DLG1: variants seen among roughly 807,000 people sequenced by gnomAD.
The protein encoded by DLG1 is disks large homolog 1.
DLG1 carries 42 observed loss-of-function variants against 123.4 expected under a neutral mutation model. The ratio of observed to expected loss-of-function variants is 0.34; its 90% CI spans 0.27 to 0.44. The LOEUF (loss-of-function observed/expected upper bound fraction) is 0.44. Ranked by LOEUF, DLG1 falls within the 20% of genes least tolerant of loss-of-function variation. The probability of loss-of-function intolerance (pLI) is 1.00; values close to 1 mark genes in which losing one functional copy is unlikely to be tolerated. For synonymous variants in DLG1, 317 were observed against 356.2 expected (o/e 0.89, Z 1.24); for missense variants, 942 against 1,082.6 (o/e 0.87, Z 1.82).
chr3:197,273,040 T>C (rs1243801532), intron 4 of DLG1, among the ~76,000 whole-genome samples: 1 of 152,174 alleles, frequency 6.6e-6, no homozygotes, highest in African/African-American at 2.4e-5. Context: ...ATGTTCTTTT[T>C]CTTGACCTGG....
chr3:197,117,115 G>A (rs528397512), intron 12 of DLG1, among the ~76,000 whole-genome samples: 1 of 152,238 alleles, frequency 6.6e-6, no homozygotes, highest in African/African-American at 2.4e-5. Flanking sequence ...ACTAGGGAAA[G>A]AGATATAAAA....
At chr3:197,078,420 T>C (rs757798853) in intron 17 of DLG1, 1 of 152,072 alleles carries the variant, frequency 6.6e-6, no homozygotes, top group Non-Finnish European at 1.5e-5. Context: ...AAAAACAAGG[T>C]TAAACTTTCA....
rs1763384935 is a variant in DLG1, at chr3:197,101,417, G to A, written c.1546+3486C>T. Among the ~76,000 whole-genome samples, 3 of 150,214 alleles carry A rather than the reference G, an allele frequency of 2.0e-5. No homozygotes were observed. In the East Asian group the frequency reaches 5.9e-4, roughly 29 times the overall value. On this transcript the variant is annotated intron_variant, in intron 14 of 24. Transcript: ENST00000667157. ...TTTTTTTTTTTTGAGACAGAGTCTCGCTCTGTCGCCCAGGCTGGAGTGCAG... is the reference window on the plus strand; with the variant it reads ...TTTTTTTTTTTTGAGACAGAGTCTCACTCTGTCGCCCAGGCTGGAGTGCAG...
chr3:197,045,569 TG>T (rs1338638662), intron 24 of DLG1, among the ~76,000 whole-genome samples: 1 of 140,274 alleles, frequency 7.1e-6, no homozygotes. Context: ...AGTGAGACCC[TG>T]TGTATTTAAA....
At chr3:197,136,373 CAAAT>C (rs1234053602) in intron 10 of DLG1, 165 bp downstream of exon 10, 8 of 561,576 alleles carry the variant, frequency 1.4e-5, no homozygotes, top group African/African-American at 7.6e-5. Flanking sequence ...AGAGAAATGA[CAAAT>C]AAAGAATTAC....
At chr3:197,218,133 G>C (rs1735008272) in intron 4 of DLG1, among the ~76,000 whole-genome samples, 1 of 152,162 alleles carries the variant, frequency 6.6e-6, no homozygotes, top group Non-Finnish European at 1.5e-5. Flanking sequence ...CAATCTTCTA[G>C]ATACTGTGGG....
intron 4 of DLG1, among the ~76,000 whole-genome samples, chr3:197,250,692 C>T (rs1753955546): frequency 6.6e-6 from 1 of 151,598 alleles, no homozygotes; most frequent in African/African-American, 2.4e-5. Context: ...AAGATCTATA[C>T]AGGAAAACTA....
chr3:197,223,007 C>T lies in DLG1; in HGVS notation c.319-28418G>A, dbSNP rs1340427433. Among the ~76,000 whole-genome samples the T allele has an allele frequency of 3.3e-5, 5 of 152,234 alleles. No individual in the cohort carries two copies. In the East Asian group the frequency reaches 9.6e-4, roughly 29 times the overall value. On this transcript the variant is annotated intron_variant, in intron 4 of 24. Coordinates refer to ENST00000667157, the MANE Select transcript of DLG1 (RefSeq NM_001366207.1). ...CTAGGGACCTTAGGCTCCGGCCTCACTGTGCCTACTATTTTGAAATAGCTA... is the reference window on the plus strand; with the variant it reads ...CTAGGGACCTTAGGCTCCGGCCTCATTGTGCCTACTATTTTGAAATAGCTA...
intron 6 of DLG1, among the ~76,000 whole-genome samples, chr3:197,145,834 C>T (rs1274644275): frequency 2.2e-5 from 3 of 137,338 alleles, no homozygotes; most frequent in Admixed American, 7.6e-5. Context: ...TGGTGGTGCA[C>T]GTCTTTAATC....
chr3:197,213,857 C>T (rs1049497582), intron 4 of DLG1, among the ~76,000 whole-genome samples: 1 of 152,036 alleles, frequency 6.6e-6, no homozygotes, highest in Non-Finnish European at 1.5e-5. Flanking sequence ...GAGTATGTGG[C>T]AGGGTACTAG....
chr3:197,186,387 G>A (rs1311548203), intron 5 of DLG1, among the ~76,000 whole-genome samples: 1 of 152,154 alleles, frequency 6.6e-6, no homozygotes, highest in African/African-American at 2.4e-5. Flanking sequence ...AAGATGGTAT[G>A]CAATCTAAAC....
intron 4 of DLG1, among the ~76,000 whole-genome samples, chr3:197,229,442 C>A (rs1741699559): frequency 7.8e-6 from 1 of 127,900 alleles, no homozygotes. Flanking sequence ...GACAGAGTGA[C>A]AGCCTGTCTC....
intron 4 of DLG1, among the ~76,000 whole-genome samples, chr3:197,241,687 T>C (rs1003576294): frequency 8.5e-5 from 13 of 152,142 alleles, no homozygotes; most frequent in Admixed American, 8.5e-4. Context: ...AATGAATTCT[T>C]AGAGGGAGGG....
intron 11 of DLG1, among the ~76,000 whole-genome samples, chr3:197,126,303 C>G (rs1779059249): frequency 6.6e-6 from 1 of 151,762 alleles, no homozygotes; most frequent in African/African-American, 2.4e-5. Flanking sequence ...ATGGAGAAAC[C>G]CCGTCTCTAC....
rs189951602 is a variant in DLG1, at chr3:197,212,986, A to G, written c.319-18397T>C. Among the ~76,000 whole-genome samples, 3 of 152,362 alleles carry G rather than the reference A, an allele frequency of 2.0e-5. No homozygotes were observed. The East Asian group carries it at 5.8e-4, about 29-fold the overall frequency. On this transcript the variant is annotated intron_variant, in intron 4 of 24. Coordinates refer to ENST00000667157, the MANE Select transcript of DLG1 (RefSeq NM_001366207.1). ...AAGACAAGCATTGGTGAAAATGTGG[A>G]GCGACTGGGACTCTCATCAACTGCC...
chr3:197,184,230 T>A, intron 5 of DLG1: 1 of 516,682 alleles, frequency 1.9e-6, no homozygotes, highest in Non-Finnish European at 2.5e-6. Flanking sequence ...CTGCCTGATT[T>A]AATGCACTGC....
At chr3:197,087,147 C>G (rs1359565274) in intron 15 of DLG1, among the ~76,000 whole-genome samples, 1 of 152,160 alleles carries the variant, frequency 6.6e-6, no homozygotes, top group Non-Finnish European at 1.5e-5. Context: ...TCCTGATTCC[C>G]TTGGATCAAG....
intron 24 of DLG1, among the ~76,000 whole-genome samples, chr3:197,047,180 T>G (rs1180541250): frequency 6.6e-6 from 1 of 152,232 alleles, no homozygotes; most frequent in Non-Finnish European, 1.5e-5. Flanking sequence ...TTAAATTTCC[T>G]GATTTTGATA....
intron 14 of DLG1, among the ~76,000 whole-genome samples, chr3:197,104,256 A>G (rs996691367): frequency 1.3e-5 from 2 of 152,178 alleles, no homozygotes; most frequent in African/African-American, 2.4e-5. Context: ...TCAGATCAAT[A>G]AAGTAGTAAA....
Sources: gnomAD v4.1 joint callset for allele counts (sites outside exome capture counted in the v4.1 genomes callset) on GRCh38, gnomAD v4.1.1 for gene constraint, MANE v1.5 for transcripts, NCBI Gene and HGNC (gene_info 2026-07-23, HGNC 2026-07-21) for gene names.